Variants in PLD5 observed in about 807,000 individuals in gnomAD.
PLD5 encodes inactive phospholipase D5.
In PLD5, 36 loss-of-function variants were observed where a neutral mutation model predicts 61.1. The ratio of observed to expected loss-of-function variants is 0.59; its 90% CI spans 0.45 to 0.78. The LOEUF is 0.78. Among genes scored for constraint, PLD5 ranks in the 30% least tolerant of loss-of-function variants. The pLI, the probability that PLD5 is intolerant of heterozygous loss-of-function variation, is 0.00. For synonymous variants in PLD5, 243 were observed against 242.8 expected, an observed-to-expected ratio of 1.00 and a Z score of -0.01; for missense variants, 515 against 644.4, an observed-to-expected ratio of 0.80 and a Z score of 2.17.
At chr1:242,384,259 T>C (rs140340150) in intron 1 of PLD5, among the ~76,000 whole-genome samples, 38 of 152,330 alleles carry the variant, frequency 2.5e-4, no homozygotes, top group African/African-American at 6.7e-4. Flanking sequence ...CTGTACATAC[T>C]GGGTAACAAA....
intron 1 of PLD5, among the ~76,000 whole-genome samples, chr1:242,372,233 A>G (rs1444282953): frequency 6.6e-6 from 1 of 152,206 alleles, no homozygotes; most frequent in Non-Finnish European, 1.5e-5. Flanking sequence ...GCCCATCATA[A>G]GCCATGCCCA....
At chr1:242,401,354 G>A (rs1012202123) in intron 1 of PLD5, among the ~76,000 whole-genome samples, 1 of 152,052 alleles carries the variant, frequency 6.6e-6, no homozygotes, top group Non-Finnish European at 1.5e-5. Context: ...CTCACCACCT[G>A]CAGCGTATTG....
rs761378918 is a variant in PLD5 at position 242,085,539 on chromosome 1, A to G, written c.*4315T>C. 6.6e-6 allele frequency: 1 copy of G among 152,214 alleles called. No homozygotes were observed. The highest frequency in any genetic ancestry group is 1.5e-5 in the Non-Finnish European group (1 of 68,040). 9.4% of individuals were successfully genotyped at this position (152,214 alleles called of 1,614,324 possible). On this transcript the variant is annotated 3_prime_UTR_variant, in exon 10 of 10. Transcript: ENST00000536534. The stretch of plus-strand genomic sequence containing the variant: ...GGTAAGCAGCTATTTTGTTAACAAC[A>G]TATAAAAGGAAAATGAAAGATGCTA...
rs549884525 is a variant in PLD5 at position 242,246,801 on chromosome 1, C to T, written c.607+18536G>A. On this transcript the variant is annotated intron_variant, in intron 4 of 9. Coordinates refer to ENST00000536534, the MANE Select transcript of PLD5 (RefSeq NM_001372062.1). ...CTGGGGAACACAGTCTCAAGACGTC[C>T]TGAGAAAGCGTGCTTGCAGTGGTCA... 4.6e-5 allele frequency among the ~76,000 whole-genome samples: 7 copies of T among 152,132 alleles called. No homozygotes were observed. In the South Asian group the frequency reaches 1.2e-3, roughly 27 times the overall value.
intron 2 of PLD5, among the ~76,000 whole-genome samples, chr1:242,326,310 G>C (rs1324945652): frequency 6.6e-6 from 1 of 151,658 alleles, no homozygotes; most frequent in African/African-American, 2.4e-5. Flanking sequence ...TAAAGATAAA[G>C]GTACTGCGGC....
intron 1 of PLD5, among the ~76,000 whole-genome samples, chr1:242,438,633 G>A (rs1023969821): frequency 2.6e-5 from 4 of 151,878 alleles, no homozygotes; most frequent in African/African-American, 4.8e-5. Flanking sequence ...TAGTAGAGAC[G>A]GGGGTTTCTC....
chr1:242,454,216 C>A (rs112407452), intron 1 of PLD5, among the ~76,000 whole-genome samples: 11,035 of 151,736 alleles, frequency 0.073, 845 homozygotes, highest in East Asian at 0.2. Context: ...ACCTGTAATC[C>A]CAGCTACTCG....
intron 1 of PLD5, among the ~76,000 whole-genome samples, chr1:242,496,164 T>A (rs1668362305): frequency 7.5e-6 from 1 of 133,624 alleles, no homozygotes; most frequent in South Asian, 2.5e-4. Flanking sequence ...AACCAGAAAA[T>A]GTTTGCAATG....
chr1:242,306,102 G>A (rs546410711), intron 2 of PLD5, among the ~76,000 whole-genome samples: 19 of 151,832 alleles, frequency 1.3e-4, no homozygotes, highest in Admixed American at 3.9e-4. Flanking sequence ...AAAACTGAAG[G>A]GACATGAGGC....
chr1:242,220,878 A>G (rs1328715986), intron 4 of PLD5, among the ~76,000 whole-genome samples: 1 of 152,102 alleles, frequency 6.6e-6, no homozygotes, highest in Non-Finnish European at 1.5e-5. Flanking sequence ...CTGGGATTAC[A>G]GGCATGTGCC....
At chr1:242,291,244 A>G (rs1396020225) in intron 2 of PLD5, among the ~76,000 whole-genome samples, 1 of 151,884 alleles carries the variant, frequency 6.6e-6, no homozygotes, top group Non-Finnish European at 1.5e-5. Flanking sequence ...ATACCCCCAA[A>G]CTAGGCTAGA....
At chr1:242,419,352 C>A (rs1665000543) in intron 1 of PLD5, among the ~76,000 whole-genome samples, 1 of 146,442 alleles carries the variant, frequency 6.8e-6, no homozygotes, top group African/African-American at 2.5e-5. Context: ...ATACAGCCAT[C>A]TTATAGTGCA....
intron 5 of PLD5, among the ~76,000 whole-genome samples, chr1:242,126,464 C>T (rs1206123192): frequency 1.3e-5 from 2 of 152,184 alleles, no homozygotes; most frequent in African/African-American, 2.4e-5. Flanking sequence ...AAAATAGGCG[C>T]ATAGCCCAAT....
chr1:242,227,458 G>T (rs1324483637), intron 4 of PLD5, among the ~76,000 whole-genome samples: 1 of 152,108 alleles, frequency 6.6e-6, no homozygotes, highest in African/African-American at 2.4e-5. Context: ...TCTGCCTCAT[G>T]AGTTCAAGCA....
chr1:242,377,229 C>T, intron 1 of PLD5: 1 of 1,611,370 alleles, frequency 6.2e-7, no homozygotes, highest in African/African-American at 1.3e-5. Flanking sequence ...GTAGGAAGAA[C>T]CATCCGATTT....
At chr1:242,303,498 T>C (rs1192094080) in intron 2 of PLD5, among the ~76,000 whole-genome samples, 1 of 152,242 alleles carries the variant, frequency 6.6e-6, no homozygotes, top group Non-Finnish European at 1.5e-5. Context: ...AAACTGAAAT[T>C]ATGACATCCG....
At chr1:242,172,043 C>T (rs1289776450) in intron 5 of PLD5, among the ~76,000 whole-genome samples, 1 of 152,230 alleles carries the variant, frequency 6.6e-6, no homozygotes, top group Non-Finnish European at 1.5e-5. Flanking sequence ...TAATAGACAT[C>T]TACAGAACTC....
intron 1 of PLD5, chr1:242,365,492 G>A (rs111756671): frequency 0.02 from 3,321 of 164,542 alleles, 50 homozygotes; most frequent in African/African-American, 0.033. Context: ...CAAGAAGCTG[G>A]CCAAGAAGTA....
chr1:242,318,242 A>T (rs1658145728), intron 2 of PLD5, among the ~76,000 whole-genome samples: 1 of 152,180 alleles, frequency 6.6e-6, no homozygotes, highest in African/African-American at 2.4e-5. Context: ...TTCTTTGCCC[A>T]GGATAAAAAG....
Sources: allele counts gnomAD v4.1 joint callset (sites outside exome capture counted in the v4.1 genomes callset), GRCh38; gene constraint gnomAD v4.1.1; transcripts MANE v1.5; gene names NCBI Gene and HGNC (gene_info 2026-07-23, HGNC 2026-07-21).